The following CAMK2B variants were observed in gnomAD, a reference collection of about 807,000 sequenced individuals.
CAMK2B encodes the protein calcium/calmodulin-dependent protein kinase type II subunit beta.
In CAMK2B, 27 loss-of-function variants were observed where a neutral mutation model predicts 93.7. That is an observed-to-expected ratio of 0.29 (90% CI 0.21 to 0.40). CAMK2B has a LOEUF of 0.40. Ranked by LOEUF, CAMK2B falls within the 10% of genes least tolerant of loss-of-function variation. The pLI is 1.00. For missense variants in CAMK2B, 568 were observed against 895.8 expected (o/e 0.63, Z 4.67); for synonymous variants, 374 against 358.8 (o/e 1.04, Z -0.48).
At chr7:44,258,256 C>T (rs1562932804) in intron 4 of CAMK2B, among the ~76,000 whole-genome samples, 1 of 152,148 alleles carries the variant, frequency 6.6e-6, no homozygotes, top group Admixed American at 6.5e-5. Context: ...TGCATGCACA[C>T]ACATGCAAAC....
chr7:44,239,699 G>T (rs2096658586), intron 12 of CAMK2B, 36 bp from the exon 13 acceptor site: 3 of 1,460,546 alleles, frequency 2.1e-6, no homozygotes, highest in South Asian at 2.4e-5. Flanking sequence ...GGGAAGGGAG[G>T]GGTGGGCGGA....
chr7:44,251,411 C>T (rs188242542), intron 5 of CAMK2B, among the ~76,000 whole-genome samples: 5 of 152,202 alleles, frequency 3.3e-5, no homozygotes, highest in East Asian at 1.9e-4. Context: ...GCAAAGCCAC[C>T]GTGGCCCCAG....
At chr7:44,264,162 G>A (rs907733138) in intron 2 of CAMK2B, among the ~76,000 whole-genome samples, 1 of 152,126 alleles carries the variant, frequency 6.6e-6, no homozygotes, top group African/African-American at 2.4e-5. Flanking sequence ...ACAAGACCTC[G>A]GGGATGCCTC....
intron 5 of CAMK2B, among the ~76,000 whole-genome samples, chr7:44,253,902 T>TGGCA (rs2096805223): frequency 1.1e-5 from 1 of 93,072 alleles, no homozygotes; most frequent in East Asian, 2.5e-4. Context: ...CTGGCCTCAG[T>TGGCA]TTTTTTTTTT....
intron 16 of CAMK2B, among the ~76,000 whole-genome samples, chr7:44,231,391 G>C (rs763667985): frequency 2.4e-4 from 37 of 152,236 alleles, no homozygotes; most frequent in Non-Finnish European, 5.0e-4. Flanking sequence ...TGCCACCCTA[G>C]TGCTGTGGCC....
intron 2 of CAMK2B, among the ~76,000 whole-genome samples, chr7:44,279,405 G>A (rs947544678): frequency 6.6e-6 from 1 of 152,354 alleles, no homozygotes; most frequent in South Asian, 2.1e-4. Flanking sequence ...TGTACAACTC[G>A]AGGCAAAGCA....
Position 44,219,478 on chromosome 7 carries a change from C to G in CAMK2B, c.*47G>C, listed in dbSNP as rs1420278607. 2 of 151,306 alleles carry G rather than the reference C, an allele frequency of 1.3e-5. No homozygotes were observed. Among genetic ancestry groups the G allele is most frequent in the South Asian group, 4.2e-4 (2 of 4,806 alleles). 9.4% of individuals were successfully genotyped at this position (151,306 alleles called of 1,614,324 possible). ...GGCAGGCCGTGTGCCCGAGGGCAGT[C>G]GGGCTCCAAACACCAACTCTGTCCG... On this transcript the variant is annotated 3_prime_UTR_variant, in exon 24 of 24. Coordinates refer to ENST00000395749, the MANE Select transcript of CAMK2B (RefSeq NM_001220.5).
At chr7:44,226,992 G>T (rs1212034571) in intron 19 of CAMK2B, among the ~76,000 whole-genome samples, 1 of 1,738 alleles carries the variant, frequency 5.8e-4, no homozygotes, top group East Asian at 4.9e-3. Flanking sequence ...GGGATGGGGG[G>T]CATGAGGGGA....
At chr7:44,246,472 T>C (rs757987051) in intron 6 of CAMK2B, among the ~76,000 whole-genome samples, 26 of 151,460 alleles carry the variant, frequency 1.7e-4, no homozygotes, top group Non-Finnish European at 3.4e-4. Context: ...CACGCACACA[T>C]GTACCCACAT....
chr7:44,261,884 T>C (rs940588671), intron 3 of CAMK2B, among the ~76,000 whole-genome samples: 2 of 152,210 alleles, frequency 1.3e-5, no homozygotes, highest in Non-Finnish European at 2.9e-5. Context: ...GAGTCCAGTC[T>C]GGATGCAGTG....
rs1192876011 is a variant in CAMK2B at position 44,258,901 on chromosome 7, C to A, written c.246G>T (p.Glu82Asp). 1 of 1,614,016 alleles carries A rather than the reference C, an allele frequency of 6.2e-7. No individual in the cohort carries two copies. Among genetic ancestry groups the A allele is most frequent in the Non-Finnish European group, 8.5e-7 (1 of 1,179,944 alleles). The change falls in exon 4 of 24, where the codon GAG becomes GAT. Residue 82 changes from glutamate (E) to aspartate (D), a missense_variant. Coordinates refer to ENST00000395749, the MANE Select transcript of CAMK2B (RefSeq NM_001220.5). ...CGAAGACCAGGTAGTGGAAGCCCTC[C>A]TCGGAGATGCTGTCGTGGAGACGCA... ...NIVRLHDSISEEGFHYLVFDL... is the reference protein window; with the variant it reads ...NIVRLHDSISDEGFHYLVFDL...
chr7:44,229,559 A>C (rs1375668581), intron 17 of CAMK2B, 58 bp from the exon 18 acceptor site: 1 of 795,030 alleles, frequency 1.3e-6, no homozygotes, highest in Non-Finnish European at 1.8e-6. Flanking sequence ...AAAAGAAGGC[A>C]ACTGGAGAAG....
chr7:44,306,007 G>C (rs1042172842), intron 1 of CAMK2B, among the ~76,000 whole-genome samples: 1 of 152,166 alleles, frequency 6.6e-6, no homozygotes, highest in African/African-American at 2.4e-5. Flanking sequence ...TGCAAGGGGG[G>C]ATGATGTGGC....
chr7:44,294,223 T>G (rs946724484), intron 1 of CAMK2B, among the ~76,000 whole-genome samples: 16 of 152,046 alleles, frequency 1.1e-4, no homozygotes, highest in African/African-American at 3.4e-4. Context: ...AGGGACCACA[T>G]CAGATGCCCC....
rs1052157749 is a variant in CAMK2B at position 44,284,012 on chromosome 7, G to C, written c.160+119C>G. On this transcript the variant is annotated intron_variant, in intron 2 of 23. Transcript: ENST00000395749. ...GCATCTGTGCATGGAGCCACAGGCA[G>C]GGTGGGCCAAGTGCTGGCCAAGACT... 3.1e-5 allele frequency: 21 copies of C among 685,752 alleles called. No individual in the cohort carries two copies. In the Admixed American group the frequency reaches 5.4e-4, roughly 18 times the overall value. The allele number at this position is 685,752 out of a possible 1,614,324, so 42.5% of individuals were successfully genotyped here. A position where few individuals can be genotyped will look rare whatever the true frequency, so the allele number is the denominator to read the frequency against.
chr7:44,285,817 G>A (rs1446688418), intron 1 of CAMK2B, among the ~76,000 whole-genome samples: 1 of 126,580 alleles, frequency 7.9e-6, no homozygotes, highest in East Asian at 2.7e-4. Flanking sequence ...GCGGCGGGGG[G>A]GAGGCGCGGC....
chr7:44,228,919 T>C lies in CAMK2B; in HGVS notation c.1345A>G (p.Arg449Gly). Residue 449 changes from arginine to glycine, a missense_variant, in exon 19 of 24, where the codon AGG (arginine) becomes GGG (glycine). Physicochemically the swap from Arg to Gly is moderately radical, Grantham distance 125. This residue lies in a region of CAMK2B where 308 missense variants were observed against 292.1 expected (regional missense o/e 1.05). Coordinates refer to ENST00000395749, the MANE Select transcript of CAMK2B (RefSeq NM_001220.5). ...PFSPLPAPSP[R>G]ISDILNSVRR... ...ACAGAGTTCAGGATGTCAGAGATCC[T>C]GGGGGCTGGGGTGGAACAGATGAGA... 1 of 1,607,292 alleles carries C rather than the reference T, an allele frequency of 6.2e-7. No homozygotes were observed. Among genetic ancestry groups the C allele is most frequent in the South Asian group, 1.1e-5 (1 of 90,884 alleles).
intron 1 of CAMK2B, among the ~76,000 whole-genome samples, chr7:44,306,979 G>A (rs1791880082): frequency 6.9e-6 from 1 of 145,356 alleles, no homozygotes; most frequent in African/African-American, 2.6e-5. Flanking sequence ...AGAAAGGGGA[G>A]GAGGGTGTGA....
intron 20 of CAMK2B, among the ~76,000 whole-genome samples, chr7:44,223,532 T>A (rs2096437627): frequency 6.6e-6 from 1 of 152,202 alleles, no homozygotes; most frequent in Non-Finnish European, 1.5e-5. Context: ...CAACACATGC[T>A]GTGGCTGTTC....
Sources: gnomAD v4.1 joint callset for allele counts (sites outside exome capture counted in the v4.1 genomes callset) on GRCh38, gnomAD v4.1.1 for gene constraint, gnomAD v4.1.1 regional missense constraint, MANE v1.5 for transcripts, NCBI Gene and HGNC (gene_info 2026-07-23, HGNC 2026-07-21) for gene names.